The following KCNQ5 variants were observed in gnomAD, a reference collection of about 807,000 sequenced individuals.
KCNQ5 encodes potassium voltage-gated channel subfamily Q member 5, also known as potassium voltage-gated channel subfamily KQT member 5.
A neutral mutation model predicts 98.2 loss-of-function variants in KCNQ5; 30 were observed. The observed-to-expected ratio is 0.31, with a 90% CI of 0.23 to 0.41. The LOEUF (loss-of-function observed/expected upper bound fraction) is 0.41. Among genes scored for constraint, KCNQ5 ranks in the 10% least tolerant of loss-of-function variants. KCNQ5 has a pLI of 1.00. For synonymous variants in KCNQ5, 458 were observed against 449.4 expected (o/e 1.02, Z -0.24); for missense variants, 835 against 1,182.5 (o/e 0.71, Z 4.31).
At chr6:72,906,517 A>G (rs1779706324) in intron 1 of KCNQ5, among the ~76,000 whole-genome samples, 1 of 152,132 alleles carries the variant, frequency 6.6e-6, no homozygotes, top group South Asian at 2.1e-4. Flanking sequence ...AAGGGTCCCC[A>G]TGGTGCCAGG....
chr6:72,684,330 A>T (rs1246673430), intron 1 of KCNQ5, among the ~76,000 whole-genome samples: 2 of 152,206 alleles, frequency 1.3e-5, no homozygotes, highest in Admixed American at 6.5e-5. Context: ...CTGCTTGCCA[A>T]TTTTAAGGCA....
chr6:72,885,641 A>G (rs1778818406), intron 1 of KCNQ5, among the ~76,000 whole-genome samples: 2 of 152,198 alleles, frequency 1.3e-5, no homozygotes, highest in Non-Finnish European at 2.9e-5. Flanking sequence ...AGAGCCCCTT[A>G]AAGGCCTGAA....
chr6:72,841,798 C>G (rs1776806231), intron 1 of KCNQ5, among the ~76,000 whole-genome samples: 1 of 152,140 alleles, frequency 6.6e-6, no homozygotes, highest in African/African-American at 2.4e-5. Context: ...TGGAGCTCAT[C>G]TGTCGACTTG....
chr6:72,822,431 C>T (rs1471720529), intron 1 of KCNQ5, among the ~76,000 whole-genome samples: 3 of 152,144 alleles, frequency 2.0e-5, no homozygotes, highest in Non-Finnish European at 4.4e-5. Flanking sequence ...TTTGTACTCC[C>T]TATTCCTTAT....
chr6:72,656,803 C>T (rs1314002012), intron 1 of KCNQ5, among the ~76,000 whole-genome samples: 1 of 152,158 alleles, frequency 6.6e-6, no homozygotes, highest in Non-Finnish European at 1.5e-5. Context: ...TGGCCTGGAA[C>T]TAATCACTGC....
At chr6:72,636,459 A>G (rs1424075616) in intron 1 of KCNQ5, among the ~76,000 whole-genome samples, 1 of 152,188 alleles carries the variant, frequency 6.6e-6, no homozygotes, top group African/African-American at 2.4e-5. Context: ...CAAAGCATAG[A>G]CCTTGTGAAA....
At chr6:72,886,635 A>G (rs1778853283) in intron 1 of KCNQ5, among the ~76,000 whole-genome samples, 1 of 152,202 alleles carries the variant, frequency 6.6e-6, no homozygotes, top group South Asian at 2.1e-4. Context: ...CACACTATAG[A>G]CAAACTGTAG....
intron 1 of KCNQ5, among the ~76,000 whole-genome samples, chr6:72,661,199 A>G: frequency 6.6e-6 from 1 of 152,158 alleles, no homozygotes; most frequent in South Asian, 2.1e-4. Flanking sequence ...ATTTTCTTAG[A>G]AATGTAATAT....
chr6:72,941,589 T>TACTTCCC (rs1562082793), intron 1 of KCNQ5, among the ~76,000 whole-genome samples: 5 of 140,192 alleles, frequency 3.6e-5, no homozygotes, highest in Non-Finnish European at 6.1e-5. Context: ...CTCCCTCCCT[T>TACTTCCC]CCTTCCTCCC....
chr6:73,126,827 G>A (rs1041155927), intron 9 of KCNQ5, among the ~76,000 whole-genome samples: 1 of 151,838 alleles, frequency 6.6e-6, no homozygotes. Flanking sequence ...CATCACCCTG[G>A]GTAAAGCTAT....
At chr6:72,646,255 A>G (rs1263096821) in intron 1 of KCNQ5, among the ~76,000 whole-genome samples, 1 of 152,150 alleles carries the variant, frequency 6.6e-6, no homozygotes, top group South Asian at 2.1e-4. Flanking sequence ...ATACACATAT[A>G]TATATACATA....
chr6:73,159,647 T>A (rs1210008309), intron 10 of KCNQ5, among the ~76,000 whole-genome samples: 1 of 152,230 alleles, frequency 6.6e-6, no homozygotes, highest in African/African-American at 2.4e-5. Context: ...TCGGTACAAG[T>A]TCATGCTTTT....
chr6:73,105,089 AAAGAG>A (rs1774947754), intron 5 of KCNQ5, among the ~76,000 whole-genome samples, 163 bp from the exon 6 acceptor site: 1 of 152,236 alleles, frequency 6.6e-6, no homozygotes, highest in Non-Finnish European at 1.5e-5. Flanking sequence ...TTCCTTAAAC[AAAGAG>A]AAGTTCTGTC....
intron 11 of KCNQ5, among the ~76,000 whole-genome samples, chr6:73,176,352 A>T (rs541492262): frequency 2.0e-5 from 3 of 152,208 alleles, no homozygotes; most frequent in African/African-American, 7.2e-5. Flanking sequence ...CTCCGGCCAC[A>T]TAAGAAGCCT....
rs1464881276 is a variant in KCNQ5, at chr6:72,622,265, G to A, written c.76G>A (p.Ala26Thr). The A allele has an allele frequency of 4.6e-5, 59 of 1,269,612 alleles. No individual in the cohort carries two copies. The highest frequency in any genetic ancestry group is 5.6e-5 in the Non-Finnish European group (57 of 1,011,982). 78.6% of individuals were successfully genotyped at this position (1,269,612 alleles called of 1,614,324 possible). ...LWVKSGAAAA[A>T]AGGGRLGSGM... ...GGTGAAGAGCGGCGCAGCGGCGGCGGCGGCGGGCGGGGGGCGCTTGGGCAG... is the reference window on the plus strand; with the variant it reads ...GGTGAAGAGCGGCGCAGCGGCGGCGACGGCGGGCGGGGGGCGCTTGGGCAG... The change falls in exon 1 of 14, where the codon GCG becomes ACG. Residue 26 changes from alanine (A) to threonine (T), a missense_variant. By Grantham distance (58) the Ala-to-Thr change is moderately conservative. Transcript: ENST00000370398. This position sits in a 1 kb window ranked among gnomAD's most constrained non-coding sequence, Gnocchi z 6.0.
At chr6:73,047,861 A>G (rs1772041947) in intron 3 of KCNQ5, among the ~76,000 whole-genome samples, 2 of 152,236 alleles carry the variant, frequency 1.3e-5, no homozygotes, top group African/African-American at 2.4e-5. Context: ...GGTGTTACAG[A>G]GCAAAGGTGA....
chr6:73,023,567 G>T (rs1012081682), intron 2 of KCNQ5, among the ~76,000 whole-genome samples: 5 of 152,154 alleles, frequency 3.3e-5, no homozygotes, highest in Non-Finnish European at 7.3e-5. Flanking sequence ...CTTCATTTTC[G>T]TATTAAGCCC....
At chr6:72,950,070 T>G (rs560462108) in intron 1 of KCNQ5, among the ~76,000 whole-genome samples, 7 of 152,136 alleles carry the variant, frequency 4.6e-5, no homozygotes, top group Non-Finnish European at 1.0e-4. Context: ...AATTAGTATA[T>G]CACAGAAATT....
At chr6:72,673,326 A>G (rs1441729059) in intron 1 of KCNQ5, among the ~76,000 whole-genome samples, 1 of 152,122 alleles carries the variant, frequency 6.6e-6, no homozygotes, top group Non-Finnish European at 1.5e-5. Flanking sequence ...TGAAAGACAC[A>G]CCCTAAATAT....
Sources: allele counts gnomAD v4.1 joint callset (sites outside exome capture counted in the v4.1 genomes callset), GRCh38; gene constraint gnomAD v4.1.1; non-coding constraint Gnocchi (gnomAD v3.1); transcripts MANE v1.5; gene names NCBI Gene and HGNC (gene_info 2026-07-23, HGNC 2026-07-21).